PDE4D: variants seen among roughly 807,000 people sequenced by gnomAD.
PDE4D encodes the protein phosphodiesterase 4D, also known as 3',5'-cyclic-AMP phosphodiesterase 4D.
A neutral mutation model predicts 87.4 loss-of-function variants in PDE4D; 24 were observed. That is an observed-to-expected ratio of 0.27 (90% CI 0.20 to 0.39). The LOEUF is 0.39. Ranked by LOEUF, PDE4D falls within the 10% of genes least tolerant of loss-of-function variation. PDE4D has a pLI of 1.00. For synonymous variants in PDE4D, 384 were observed against 383.2 expected (o/e 1.00, Z -0.02); for missense variants, 714 against 1,041.0 (o/e 0.69, Z 4.32).
At chr5:59,048,086 C>T (rs921422273) in intron 5 of PDE4D, among the ~76,000 whole-genome samples, 3 of 152,164 alleles carry the variant, frequency 2.0e-5, no homozygotes, top group Non-Finnish European at 4.4e-5. Flanking sequence ...CGTATATACC[C>T]ACAGGTTTGC....
intron 1 of PDE4D, among the ~76,000 whole-genome samples, chr5:59,560,505 C>T (rs1356889921): frequency 6.6e-6 from 1 of 152,160 alleles, no homozygotes; most frequent in Non-Finnish European, 1.5e-5. Flanking sequence ...TTCTTGTTCT[C>T]CGCTATCTCT....
chr5:59,163,107 C>CA (rs1781381942), intron 5 of PDE4D, among the ~76,000 whole-genome samples: 1 of 129,836 alleles, frequency 7.7e-6, no homozygotes, highest in African/African-American at 2.9e-5. Context: ...TGCCTGGCTA[C>CA]TTTTTTTTTT....
chr5:59,394,970 G>A (rs774999929), intron 1 of PDE4D, among the ~76,000 whole-genome samples: 10 of 152,206 alleles, frequency 6.6e-5, no homozygotes, highest in South Asian at 4.2e-4. Flanking sequence ...AAGGGGTGAC[G>A]GATGGCACCT....
intron 1 of PDE4D, among the ~76,000 whole-genome samples, chr5:59,553,358 C>T (rs568491537): frequency 1.3e-5 from 2 of 152,230 alleles, no homozygotes; most frequent in African/African-American, 4.8e-5. Flanking sequence ...TTTTTGCCAT[C>T]CCCCAAGAGT....
intron 6 of PDE4D, 23 bp from the exon 7 acceptor site, chr5:58,993,488 G>GA (rs779460486): frequency 1.4e-6 from 2 of 1,440,954 alleles, no homozygotes; most frequent in South Asian, 2.4e-5. Context: ...AAAGTAAAAT[G>GA]AAATAATAGA....
At chr5:60,301,670 T>C (rs1753906505) in intron 1 of PDE4D, among the ~76,000 whole-genome samples, 1 of 152,204 alleles carries the variant, frequency 6.6e-6, no homozygotes, top group Admixed American at 6.5e-5. Flanking sequence ...CTGGACTTCC[T>C]CTCTTCCTAT....
chr5:59,329,881 G>A (rs1209085337), intron 1 of PDE4D, among the ~76,000 whole-genome samples: 1 of 152,106 alleles, frequency 6.6e-6, no homozygotes, highest in Non-Finnish European at 1.5e-5. Context: ...TTTATGAAGG[G>A]AAATTAATAT....
At chr5:59,204,960 C>T (rs1004846843) in intron 2 of PDE4D, among the ~76,000 whole-genome samples, 3 of 152,246 alleles carry the variant, frequency 2.0e-5, no homozygotes, top group African/African-American at 4.8e-5. Context: ...GCACCAGACA[C>T]GGTGTTCTAC....
intron 2 of PDE4D, among the ~76,000 whole-genome samples, chr5:59,203,224 A>G (rs1352884250): frequency 6.6e-6 from 1 of 152,296 alleles, no homozygotes; most frequent in East Asian, 1.9e-4. Flanking sequence ...AAAGGTCAAC[A>G]GGTATATGTA....
intron 6 of PDE4D, among the ~76,000 whole-genome samples, chr5:59,037,318 C>T (rs1261953262): frequency 6.6e-6 from 1 of 152,166 alleles, no homozygotes; most frequent in Non-Finnish European, 1.5e-5. Flanking sequence ...TTCTGCTCTT[C>T]ATTTTCTTAC....
chr5:60,011,364 A>G (rs1765005574), intron 2 of PDE4D, among the ~76,000 whole-genome samples: 1 of 152,132 alleles, frequency 6.6e-6, no homozygotes, highest in Non-Finnish European at 1.5e-5. Flanking sequence ...AGCCTGTGGC[A>G]GTAGTTTGCT....
intron 2 of PDE4D, among the ~76,000 whole-genome samples, chr5:59,208,362 C>A (rs1244602683): frequency 6.6e-6 from 1 of 152,148 alleles, no homozygotes; most frequent in Non-Finnish European, 1.5e-5. Flanking sequence ...GCTTTAACAA[C>A]TTTTTATAAC....
At chr5:59,473,648 T>C (rs1218228174) in intron 1 of PDE4D, among the ~76,000 whole-genome samples, 1 of 152,100 alleles carries the variant, frequency 6.6e-6, no homozygotes, top group Non-Finnish European at 1.5e-5. Context: ...ATGTCCAGAT[T>C]CCCAGATGTT....
intron 1 of PDE4D, among the ~76,000 whole-genome samples, chr5:60,275,019 T>C (rs1224517401): frequency 6.6e-6 from 1 of 152,228 alleles, no homozygotes; most frequent in Admixed American, 6.5e-5. Context: ...TCAGAATCAC[T>C]TGAAGGAGTT....
At chr5:59,344,121 T>C (rs1441827026) in intron 1 of PDE4D, among the ~76,000 whole-genome samples, 1 of 152,218 alleles carries the variant, frequency 6.6e-6, no homozygotes, top group East Asian at 1.9e-4. Flanking sequence ...TCATACAAGA[T>C]ACTAAACGTT....
chr5:60,362,919 TTC>T (rs1270074233), intron 1 of PDE4D, among the ~76,000 whole-genome samples: 7 of 152,012 alleles, frequency 4.6e-5, no homozygotes, highest in Admixed American at 6.6e-5. Context: ...AAAAGATTAA[TTC>T]TGTTTACCTT....
chr5:59,876,254 G>A (rs1019983314), intron 1 of PDE4D, among the ~76,000 whole-genome samples: 2 of 152,126 alleles, frequency 1.3e-5, no homozygotes, highest in Non-Finnish European at 2.9e-5. Flanking sequence ...GCTTCTAGGA[G>A]TACCAAGCCT....
At chr5:59,816,435 GA>G (rs1281862209) in intron 1 of PDE4D, among the ~76,000 whole-genome samples, 2 of 151,738 alleles carry the variant, frequency 1.3e-5, no homozygotes, top group East Asian at 3.9e-4. Context: ...ATGCTCTTGG[GA>G]AAAAAAATGA....
chr5:60,317,801 A>G (rs1755782393), intron 1 of PDE4D, among the ~76,000 whole-genome samples: 1 of 152,104 alleles, frequency 6.6e-6, no homozygotes, highest in African/African-American at 2.4e-5. Flanking sequence ...TGCAGTTTTG[A>G]GTGAGTTTCT....
Sources: gnomAD v4.1 joint callset for allele counts (sites outside exome capture counted in the v4.1 genomes callset) on GRCh38, gnomAD v4.1.1 for gene constraint, MANE v1.5 for transcripts, NCBI Gene and HGNC (gene_info 2026-07-23, HGNC 2026-07-21) for gene names.